SERGEF: variants seen among roughly 807,000 people sequenced by gnomAD.
SERGEF encodes secretion-regulating guanine nucleotide exchange factor.
SERGEF carries 51 observed loss-of-function variants against 50.0 expected under a neutral mutation model. The ratio of observed to expected loss-of-function variants is 1.02; its 90% CI spans 0.81 to 1.29. The LOEUF is 1.29. Ranked by LOEUF, SERGEF falls within the 50% of genes most tolerant of loss-of-function variation. The pLI, the probability that SERGEF is intolerant of heterozygous loss-of-function variation, is 0.00. For synonymous variants in SERGEF, 205 were observed against 212.4 expected (o/e 0.97, Z 0.30); for missense variants, 521 against 557.0 (o/e 0.94, Z 0.65).
At chr11:17,811,658 C>A (rs986073189) in intron 10 of SERGEF, among the ~76,000 whole-genome samples, 12 of 152,208 alleles carry the variant, frequency 7.9e-5, no homozygotes, top group African/African-American at 2.9e-4. Context: ...CTCCTTTGCC[C>A]CAGGCACTGT....
In SERGEF at chr11:17,959,623, C is replaced by A. The variant is rs572509661; in HGVS notation, c.858G>T (p.Met286Ile). The A allele has an allele frequency of 6.2e-7, 1 of 1,611,066 alleles. No homozygotes were observed. Among genetic ancestry groups the A allele is most frequent in the Non-Finnish European group, 8.5e-7 (1 of 1,179,014 alleles). The change falls in exon 9 of 11, where the codon ATG becomes ATT. Residue 286 changes from methionine (M) to isoleucine (I), a missense_variant. Coordinates refer to ENST00000265965, the MANE Select transcript of SERGEF (RefSeq NM_012139.4). ...CATAGTCTGCTCGGCCCCAGGTAAA[C>A]ATCTTGCCAGTTTCTAAAAACAAAT... Reference protein sequence around the residue: ...HLVAQTETGKMFTWGRADYGQ... With the variant: ...HLVAQTETGKIFTWGRADYGQ...
intron 9 of SERGEF, among the ~76,000 whole-genome samples, chr11:17,892,666 T>C (rs910396195): frequency 6.6e-6 from 1 of 152,230 alleles, no homozygotes; most frequent in Non-Finnish European, 1.5e-5. Flanking sequence ...AACATTTGTC[T>C]AGCACTGAGC....
chr11:17,894,989 G>A (rs1187272012), intron 9 of SERGEF, among the ~76,000 whole-genome samples: 1 of 152,180 alleles, frequency 6.6e-6, no homozygotes, highest in Non-Finnish European at 1.5e-5. Flanking sequence ...GGGAAAGGCA[G>A]CACAGCCCCT....
chr11:17,887,951 GTA>G (rs913420762), intron 9 of SERGEF, among the ~76,000 whole-genome samples: 36 of 152,218 alleles, frequency 2.4e-4, no homozygotes, highest in Admixed American at 1.3e-4. Flanking sequence ...AGCTTCATCT[GTA>G]TTTACGGCTG....
At chr11:17,988,453 G>C in intron 8 of SERGEF, 144 bp downstream of exon 8, 1 of 720,876 alleles carries the variant, frequency 1.4e-6, no homozygotes, top group Non-Finnish European at 2.1e-6. Context: ...TATCTGGCTG[G>C]TGGCAGAACT....
rs529018620 is a variant in SERGEF at position 17,792,239 on chromosome 11, G to A, written c.1049-3826C>T. 1.1e-3 allele frequency among the ~76,000 whole-genome samples: 160 copies of A among 152,340 alleles called. 1 individual carries two copies. The South Asian group carries it at 0.017, about 16-fold the overall frequency. Reference sequence around the variant, plus strand: ...CTGTTTGGCCCACAAATGCGGAAGCGCATACAGAGAGGATGAACCCCAGGC... The same window carrying A: ...CTGTTTGGCCCACAAATGCGGAAGCACATACAGAGAGGATGAACCCCAGGC... On this transcript the variant is annotated intron_variant, in intron 10 of 10. Coordinates refer to ENST00000265965, the MANE Select transcript of SERGEF (RefSeq NM_012139.4).
At chr11:18,008,134 T>G in intron 1 of SERGEF, 58 bp from the exon 2 acceptor site, 3 of 1,536,002 alleles carry the variant, frequency 2.0e-6, no homozygotes, top group Non-Finnish European at 2.7e-6. Flanking sequence ...TCAATGTCTA[T>G]TTACCTGTCT....
At chr11:17,915,706 GCCCAACTCCACCA>G (rs1852036256) in intron 9 of SERGEF, among the ~76,000 whole-genome samples, 1 of 152,174 alleles carries the variant, frequency 6.6e-6, no homozygotes, top group African/African-American at 2.4e-5. Flanking sequence ...ACACCTCACT[GCCCAACTCCACCA>G]CCCACAGCAA....
At chr11:17,893,976 T>C (rs1851579255) in intron 9 of SERGEF, among the ~76,000 whole-genome samples, 1 of 152,182 alleles carries the variant, frequency 6.6e-6, no homozygotes, top group African/African-American at 2.4e-5. Flanking sequence ...GCAGCTTCCT[T>C]GTGCTCCTCT....
intron 7 of SERGEF, among the ~76,000 whole-genome samples, chr11:17,992,505 G>A (rs774186271): frequency 2.6e-5 from 4 of 152,104 alleles, no homozygotes; most frequent in African/African-American, 4.8e-5. Flanking sequence ...CCTCATAATC[G>A]TAGGTATATC....
intron 8 of SERGEF, among the ~76,000 whole-genome samples, chr11:17,971,098 G>A (rs1853240020): frequency 6.6e-6 from 1 of 152,152 alleles, no homozygotes; most frequent in South Asian, 2.1e-4. Flanking sequence ...GGAAGCTGAG[G>A]CAGGAGAATC....
At chr11:17,844,191 C>T (rs1015344412) in intron 10 of SERGEF, among the ~76,000 whole-genome samples, 39 of 152,162 alleles carry the variant, frequency 2.6e-4, no homozygotes, top group African/African-American at 8.7e-4. Context: ...GTATCCAATT[C>T]ACAGTCAAAT....
intron 10 of SERGEF, among the ~76,000 whole-genome samples, chr11:17,860,811 C>T (rs1215163557): frequency 2.0e-5 from 3 of 152,108 alleles, no homozygotes; most frequent in East Asian, 1.9e-4. Flanking sequence ...AATACAGAAG[C>T]GTATGTAAGA....
intron 8 of SERGEF, among the ~76,000 whole-genome samples, chr11:17,960,930 C>A (rs1330488057): frequency 6.6e-6 from 1 of 152,174 alleles, no homozygotes; most frequent in Non-Finnish European, 1.5e-5. Flanking sequence ...TCCTTCATGG[C>A]TCTTTGTGTG....
chr11:17,892,460 A>C (rs1565196618), intron 9 of SERGEF, among the ~76,000 whole-genome samples: 1 of 152,194 alleles, frequency 6.6e-6, no homozygotes, highest in Non-Finnish European at 1.5e-5. Flanking sequence ...CAGTTGTCCT[A>C]ATCAAAGATC....
rs555099079 is a variant in SERGEF, at chr11:17,915,050, G to A, written c.1012-36806C>T. 6.6e-5 allele frequency among the ~76,000 whole-genome samples: 10 copies of A among 152,314 alleles called. No homozygotes were observed. The South Asian group carries it at 2.1e-3, about 32-fold the overall frequency. The stretch of plus-strand genomic sequence containing the variant: ...GTCCCTTTTAGATGGCATATTGACT[G>A]ACAACAAAACCTGTGTCTAATTCAT... On this transcript the variant is annotated intron_variant, in intron 9 of 10. Coordinates refer to ENST00000265965, the MANE Select transcript of SERGEF (RefSeq NM_012139.4).
At chr11:17,818,035 G>T (rs573124594) in intron 10 of SERGEF, among the ~76,000 whole-genome samples, 1 of 152,182 alleles carries the variant, frequency 6.6e-6, no homozygotes, top group Non-Finnish European at 1.5e-5. Flanking sequence ...TCCCTAAGAC[G>T]GACAGACTTG....
At chr11:17,861,502 C>T (rs562580066) in intron 10 of SERGEF, among the ~76,000 whole-genome samples, 3 of 152,374 alleles carry the variant, frequency 2.0e-5, no homozygotes, top group African/African-American at 7.2e-5. Context: ...TCTGAGATTC[C>T]ATTTCCCCAC....
intron 10 of SERGEF, among the ~76,000 whole-genome samples, chr11:17,836,281 A>C (rs774425461): frequency 1.6e-4 from 24 of 152,210 alleles, no homozygotes; most frequent in Non-Finnish European, 3.2e-4. Context: ...CCTGGAGAAA[A>C]GGACCAATGT....
Sources: allele counts gnomAD v4.1 joint callset (sites outside exome capture counted in the v4.1 genomes callset), GRCh38; gene constraint gnomAD v4.1.1; transcripts MANE v1.5; gene names NCBI Gene and HGNC (gene_info 2026-07-23, HGNC 2026-07-21).